Variants in NHLRC3 observed in about 807,000 individuals in gnomAD.
NHLRC3 encodes NHL repeat-containing protein 3.
Under a neutral mutation model 32.0 loss-of-function variants are expected in NHLRC3, and 23 were observed. The observed-to-expected ratio is 0.72, with a 90% confidence interval of 0.52 to 1.02. The LOEUF (loss-of-function observed/expected upper bound fraction) is 1.02. NHLRC3 is among the 50% of genes least tolerant of loss of function. The pLI, the probability that NHLRC3 is intolerant of heterozygous loss-of-function variation, is 0.00. For missense variants in NHLRC3, 407 were observed against 406.8 expected, an observed-to-expected ratio of 1.00 and a Z score of -0.01; for synonymous variants, 159 against 147.9, an observed-to-expected ratio of 1.08 and a Z score of -0.55.
chr13:39,038,953 C>T, intron 1 of NHLRC3, 183 bp from the exon 2 acceptor site: 1 of 636,620 alleles, frequency 1.6e-6, no homozygotes, highest in Non-Finnish European at 2.8e-6. Flanking sequence ...AATTTGCAGA[C>T]TTGTATTGTG....
In NHLRC3 at chr13:39,047,876, G is replaced by T. The variant is rs777131697; in HGVS notation, c.994G>T (p.Val332Leu). Reference protein sequence around the residue: ...VYVAEIGAKQVQKYVPLNSYV... With the variant: ...VYVAEIGAKQLQKYVPLNSYV... ...TGTAGCAGAAATTGGAGCAAAACAA[G>T]TACAAAAATATGTCCCTTTGAATAG... The change falls in exon 7 of 7, where the codon GTA becomes TTA. Residue 332 changes from valine (V) to leucine (L), a missense_variant. Val to Leu is a conservative substitution (Grantham distance 32). Transcript: ENST00000379600. 8.1e-5 allele frequency: 130 copies of T among 1,613,602 alleles called. No individual in the cohort carries two copies. The highest frequency in any genetic ancestry group is 1.1e-4 in the Non-Finnish European group (126 of 1,179,652).
chr13:39,044,268 TCTGG>T, intron 5 of NHLRC3, 87 bp downstream of exon 5: 1 of 893,872 alleles, frequency 1.1e-6, no homozygotes, highest in Non-Finnish European at 1.9e-6. Context: ...TGTGTGTGTG[TCTGG>T]GCATGTATAT....
At chr13:39,041,550 C>T (rs1326857875) in intron 3 of NHLRC3, 1 of 152,314 alleles carries the variant, frequency 6.6e-6, no homozygotes, top group African/African-American at 2.4e-5. Context: ...ATAAGATACT[C>T]ATGATTTACA....
At chr13:39,042,562 T>C (rs1348858616) in intron 4 of NHLRC3, among the ~76,000 whole-genome samples, 2 of 152,176 alleles carry the variant, frequency 1.3e-5, no homozygotes, top group Non-Finnish European at 2.9e-5. Flanking sequence ...TCTAGTGGGC[T>C]CAGGAGATAA....
At position 39,047,819 on chromosome 13, in the gene NHLRC3, C is replaced by G. The variant is rs1201434062; in HGVS notation, c.937C>G (p.Leu313Val). ...AGCAGATCAAGTTTTGCCACATCTC[C>G]TAGAAGTCGACAGAAAGACTGGAGC... Reference protein sequence around the residue: ...QLADQVLPHLLEVDRKTGAVY... With the variant: ...QLADQVLPHLVEVDRKTGAVY... Residue 313 changes from leucine to valine, a missense_variant, in exon 7 of 7, where the codon CTA becomes GTA. Physicochemically the swap from Leu to Val is conservative, Grantham distance 32 (BLOSUM62 1). Coordinates refer to ENST00000379600, the MANE Select transcript of NHLRC3 (RefSeq NM_001012754.4). 6.2e-7 allele frequency: 1 copy of G among 1,613,956 alleles called. No homozygotes were observed. The highest frequency in any genetic ancestry group is 8.5e-7 in the Non-Finnish European group (1 of 1,180,006).
chr13:39,039,489 T>C, intron 2 of NHLRC3, 75 bp from the exon 3 acceptor site: 1 of 1,360,988 alleles, frequency 7.3e-7, no homozygotes, highest in Non-Finnish European at 1.0e-6. Flanking sequence ...TCTCAGTTAT[T>C]TTTTTTCTTC....
intron 5 of NHLRC3, among the ~76,000 whole-genome samples, chr13:39,045,836 T>C (rs889661114): frequency 2.6e-5 from 4 of 152,298 alleles, no homozygotes; most frequent in Admixed American, 6.5e-5. Flanking sequence ...TTGTTTCTGA[T>C]TGGAGATTAA....
chr13:39,048,603 G>C lies in NHLRC3; in HGVS notation c.*677G>C, dbSNP rs1020421477. ...GAAAACTGAGGAGGAGCTTACCAAGGGACAAGGAGGAGAAAACAATAATTT... is the reference window on the plus strand; with the variant it reads ...GAAAACTGAGGAGGAGCTTACCAAGCGACAAGGAGGAGAAAACAATAATTT... On this transcript the variant is annotated 3_prime_UTR_variant, in exon 7 of 7. Transcript: ENST00000379600. 6.6e-6 allele frequency: 1 copy of C among 152,102 alleles called. No homozygotes were observed. Among genetic ancestry groups the C allele is most frequent in the Non-Finnish European group, 1.5e-5 (1 of 68,046 alleles). 9.4% of individuals were successfully genotyped at this position (152,102 alleles called of 1,614,324 possible). A position where few individuals can be genotyped will look rare whatever the true frequency, so the allele number is the denominator to read the frequency against.
chr13:39,042,575 G>A (rs1271425299), intron 4 of NHLRC3, among the ~76,000 whole-genome samples: 1 of 152,148 alleles, frequency 6.6e-6, no homozygotes, highest in African/African-American at 2.4e-5. Context: ...GGAGATAAGT[G>A]TGTATCCTAT....
At chr13:39,041,430 C>T (rs764983987) in intron 3 of NHLRC3, 1 of 152,030 alleles carries the variant, frequency 6.6e-6, no homozygotes, top group African/African-American at 2.4e-5. Context: ...GGCATATGTA[C>T]CTTCAAATTG....
At chr13:39,044,878 C>T (rs1486188120) in intron 5 of NHLRC3, among the ~76,000 whole-genome samples, 30 of 152,184 alleles carry the variant, frequency 2.0e-4, no homozygotes, top group African/African-American at 2.4e-5. Flanking sequence ...GCCTGTACTT[C>T]GTATCATAGT....
chr13:39,042,143 G>A lies in NHLRC3; in HGVS notation c.424G>A (p.Gly142Ser). 1 of 1,610,646 alleles carries A rather than the reference G, an allele frequency of 6.2e-7. No individual in the cohort carries two copies. The highest frequency in any genetic ancestry group is 1.3e-5 in the African/African-American group (1 of 74,924). ...TACTGTTAAAAAATACAGTTCTTTT[G>A]GTGATCTTGTTCAAGTCTTGGGTAC... ...GHTVKKYSSF[G>S]DLVQVLGTPG... is the part of the protein sequence containing the mutation. The change falls in exon 4 of 7, where the codon GGT becomes AGT. Residue 142 changes from glycine to serine, a missense_variant. Physicochemically the swap from Gly to Ser is moderately conservative, Grantham distance 56. Transcript: ENST00000379600.
upstream of NHLRC3, chr13:39,038,369 G>A (rs1012833064): frequency 9.8e-6 from 5 of 510,218 alleles, no homozygotes; most frequent in East Asian, 7.0e-5. Context: ...GGGAAAGGGT[G>A]GTCACTGGGT....
At chr13:39,039,482 C>G in intron 2 of NHLRC3, 82 bp from the exon 3 acceptor site, 1 of 1,307,436 alleles carries the variant, frequency 7.6e-7, no homozygotes, top group Non-Finnish European at 1.1e-6. Flanking sequence ...GTAAAATTCT[C>G]AGTTATTTTT....
chr13:39,047,447 T>C (rs1279164994), intron 6 of NHLRC3, among the ~76,000 whole-genome samples: 3 of 152,198 alleles, frequency 2.0e-5, no homozygotes, highest in Non-Finnish European at 4.4e-5. Flanking sequence ...TGGACTATGA[T>C]ATTGATACTT....
Position 39,047,692 on chromosome 13 carries a change from G to C in NHLRC3, c.810G>C (p.Lys270Asn). 1 of 1,613,578 alleles carries C rather than the reference G, an allele frequency of 6.2e-7. No homozygotes were observed. Among genetic ancestry groups the C allele is most frequent in the Non-Finnish European group, 8.5e-7 (1 of 1,179,576 alleles). The change falls in exon 7 of 7, where the codon AAG becomes AAC. Residue 270 changes from lysine to asparagine, a missense_variant. Lys to Asn is a moderately conservative substitution (Grantham distance 94). Coordinates refer to ENST00000379600, the MANE Select transcript of NHLRC3 (RefSeq NM_001012754.4). ...TCCTTAGGTTTACTCCTGATGGGAA[G>C]TACTTGATTGTGGCCCAGCTGAATC... ...PSSVRFTPDG[K>N]YLIVAQLNLS...
At position 39,038,682 on chromosome 13, in the gene NHLRC3, C is replaced by A. The variant is rs139618208; in HGVS notation, c.43C>A (p.Leu15Ile). Residue 15 changes from leucine (L) to isoleucine (I), a missense_variant, in exon 1 of 7, where the codon CTT becomes ATT. By Grantham distance (5) the Leu-to-Ile change is conservative. Coordinates refer to ENST00000379600, the MANE Select transcript of NHLRC3 (RefSeq NM_001012754.4). ...CTGCGTAGCCGGTGCTGGCTTCTTT[C>A]TTGCATTTTTGGTTTTGCATTCGCG... Reference protein sequence around the residue: ...WVCVAGAGFFLAFLVLHSRFC... With the variant: ...WVCVAGAGFFIAFLVLHSRFC... 1 of 1,614,064 alleles carries A rather than the reference C, an allele frequency of 6.2e-7. No individual in the cohort carries two copies. The highest frequency in any genetic ancestry group is 8.5e-7 in the Non-Finnish European group (1 of 1,180,044).
In NHLRC3 at chr13:39,049,770, T is replaced by C. The variant is rs1397316932; in HGVS notation, c.*1844T>C. ...CTGATTTTGAAATTTCAAAATGTTT[T>C]ATTTTACTTTGTTTTATTAAGCCAG... On this transcript the variant is annotated 3_prime_UTR_variant, in exon 7 of 7. Coordinates refer to ENST00000379600, the MANE Select transcript of NHLRC3 (RefSeq NM_001012754.4). 1 of 152,188 alleles carries C rather than the reference T, an allele frequency of 6.6e-6. No homozygotes were observed. Among genetic ancestry groups the C allele is most frequent in the African/African-American group, 2.4e-5 (1 of 41,450 alleles). The allele number at this position is 152,188 out of a possible 1,614,324, so 9.4% of individuals were successfully genotyped here. A position where few individuals can be genotyped will look rare whatever the true frequency, so the allele number is the denominator to read the frequency against.
rs1428542374 is a variant in NHLRC3 at position 39,038,593 on chromosome 13, C to A, written c.-47C>A. On this transcript the variant is annotated 5_prime_UTR_variant, in exon 1 of 7. Transcript: ENST00000379600. Reference sequence around the variant, plus strand: ...TTGCAGCCTGAGGCTGTCAGGTCCTCCCCCAGACACCTGCGGACCCTCCCT... The same window carrying A: ...TTGCAGCCTGAGGCTGTCAGGTCCTACCCCAGACACCTGCGGACCCTCCCT... The A allele has an allele frequency of 1.3e-6, 2 of 1,517,248 alleles. No homozygotes were observed. Among genetic ancestry groups the A allele is most frequent in the Non-Finnish European group, 1.8e-6 (2 of 1,091,406 alleles). The allele number at this position is 1,517,248 out of a possible 1,614,324, so 94.0% of individuals were successfully genotyped here. A position where few individuals can be genotyped will look rare whatever the true frequency, so the allele number is the denominator to read the frequency against.
Sources: gnomAD v4.1 joint callset for allele counts (sites outside exome capture counted in the v4.1 genomes callset) on GRCh38, gnomAD v4.1.1 for gene constraint, MANE v1.5 for transcripts, NCBI Gene and HGNC (gene_info 2026-07-23, HGNC 2026-07-21) for gene names.